ZNF407: variants seen among roughly 807,000 people sequenced by gnomAD.
ZNF407 encodes zinc finger protein 407.
Under a neutral mutation model 131.2 loss-of-function variants are expected in ZNF407, and 17 were observed. That is an observed-to-expected ratio of 0.13 (90% CI 0.09 to 0.19). ZNF407 has a LOEUF of 0.19. Among genes scored for constraint, ZNF407 ranks in the 10% least tolerant of loss-of-function variants. ZNF407 has a pLI of 1.00. For missense variants in ZNF407, 2,681 were observed against 2,830.6 expected (o/e 0.95, Z 1.20); for synonymous variants, 1,156 against 1,062.0 (o/e 1.09, Z -1.72).
At chr18:74,960,219 G>A (rs1483269613) in intron 8 of ZNF407, among the ~76,000 whole-genome samples, 2 of 151,934 alleles carry the variant, frequency 1.3e-5, no homozygotes, top group African/African-American at 2.4e-5. Context: ...AAGGTCCTGA[G>A]TGTGGACTGG....
rs188526535 is a variant in ZNF407 at position 74,696,411 on chromosome 18, T to C, written c.4802+55289T>C. Among the ~76,000 whole-genome samples, 386 of 152,358 alleles carry C rather than the reference T, an allele frequency of 2.5e-3. 4 individuals carry two copies. The highest frequency in any genetic ancestry group is 8.4e-3 in the African/African-American group (351 of 41,590). ...TCACTCTAATGTAACCAGTTTTCCT[T>C]CCTGACAATGCTGCCAGGCATGCTG... On this transcript the variant is annotated intron_variant, in intron 3 of 8. Transcript: ENST00000299687.
Position 74,631,830 on chromosome 18 carries a change from C to A in ZNF407, c.811C>A (p.Arg271Ser). The change falls in exon 2 of 9, where the codon CGT (arginine) becomes AGT (serine). Residue 271 changes from arginine (R) to serine (S), a missense_variant. Physicochemically the swap from Arg to Ser is moderately radical, Grantham distance 110 (BLOSUM62 -1). Transcript: ENST00000299687. ...AHYLGKTHLR[R>S]QNLAARGGFV... ...TTATCTTGGCAAAACACATCTCCGT[C>A]GTCAGAATCTGGCTGCTCGTGGAGG... 6.2e-7 allele frequency: 1 copy of A among 1,614,018 alleles called. No homozygotes were observed. The highest frequency in any genetic ancestry group is 8.5e-7 in the Non-Finnish European group (1 of 1,179,900).
intron 4 of ZNF407, among the ~76,000 whole-genome samples, chr18:74,815,996 G>C (rs1418941901): frequency 6.6e-6 from 1 of 152,158 alleles, no homozygotes; most frequent in Non-Finnish European, 1.5e-5. Flanking sequence ...AGTATGGACT[G>C]CGTTTACTTC....
chr18:74,677,967 C>T (rs1377685916), intron 3 of ZNF407, among the ~76,000 whole-genome samples: 5 of 152,032 alleles, frequency 3.3e-5, no homozygotes, highest in African/African-American at 1.2e-4. Context: ...ACTACAGGCA[C>T]ATGCCACCAT....
At chr18:74,972,216 G>C (rs1476503602) in intron 8 of ZNF407, among the ~76,000 whole-genome samples, 2 of 152,038 alleles carry the variant, frequency 1.3e-5, no homozygotes, top group African/African-American at 4.8e-5. Context: ...AGCATCCCGA[G>C]GCCCACTCCC....
chr18:74,678,880 A>G (rs148276701), intron 3 of ZNF407, among the ~76,000 whole-genome samples: 1 of 152,230 alleles, frequency 6.6e-6, no homozygotes, highest in African/African-American at 2.4e-5. Flanking sequence ...TATAAATATT[A>G]TATGTATTTA....
At chr18:74,626,346 C>T (rs1983785017) in intron 1 of ZNF407, among the ~76,000 whole-genome samples, 1 of 152,194 alleles carries the variant, frequency 6.6e-6, no homozygotes, top group South Asian at 2.1e-4. Context: ...TATAACGCAG[C>T]AGTATCAATC....
intron 8 of ZNF407, among the ~76,000 whole-genome samples, chr18:74,999,924 G>A (rs553261956): frequency 7.2e-5 from 11 of 152,288 alleles, no homozygotes; most frequent in Admixed American, 4.6e-4. Context: ...ATGATAGCTT[G>A]TGATTTCCCT....
intron 8 of ZNF407, among the ~76,000 whole-genome samples, chr18:74,939,733 T>A (rs572150112): frequency 6.6e-6 from 1 of 152,344 alleles, no homozygotes; most frequent in South Asian, 2.1e-4. Flanking sequence ...TGTGTTGCTT[T>A]TTGTAATCAA....
chr18:74,906,836 CTG>C (rs1195056478), intron 7 of ZNF407, among the ~76,000 whole-genome samples: 4 of 151,700 alleles, frequency 2.6e-5, no homozygotes, highest in East Asian at 1.9e-4. Context: ...CATGCACACA[CTG>C]TGTATATGTG....
At chr18:74,874,971 T>C (rs1971136450) in intron 4 of ZNF407, among the ~76,000 whole-genome samples, 1 of 152,170 alleles carries the variant, frequency 6.6e-6, no homozygotes, top group Non-Finnish European at 1.5e-5. Flanking sequence ...CTGTATGCAT[T>C]ATTAGCTCAG....
At chr18:74,960,333 G>A in intron 8 of ZNF407, among the ~76,000 whole-genome samples, 2 of 137,180 alleles carry the variant, frequency 1.5e-5, no homozygotes, top group Non-Finnish European at 1.6e-5. Context: ...CTGAGTGAGT[G>A]CTTGGTGGAG....
chr18:74,717,634 AAAAC>A (rs1388980170), intron 3 of ZNF407, among the ~76,000 whole-genome samples: 2 of 152,226 alleles, frequency 1.3e-5, no homozygotes, highest in Non-Finnish European at 2.9e-5. Context: ...TTTAAGGCTT[AAAAC>A]AAACAAACAA....
Position 75,001,985 on chromosome 18 carries a change from A to C in ZNF407, c.5429-61165A>C, listed in dbSNP as rs184067119. 3.9e-3 allele frequency among the ~76,000 whole-genome samples: 595 copies of C among 152,274 alleles called. 4 individuals carry two copies. Among genetic ancestry groups the C allele is most frequent in the African/African-American group, 0.014 (568 of 41,556 alleles). On this transcript the variant is annotated intron_variant, in intron 8 of 8. Transcript: ENST00000299687. ...ATTCTGCAATGCACAGGCAGCCCCCATACCAGAGTCACCCAGTCCAGAATG... is the reference window on the plus strand; with the variant it reads ...ATTCTGCAATGCACAGGCAGCCCCCCTACCAGAGTCACCCAGTCCAGAATG...
chr18:74,658,884 C>G (rs527610685), intron 3 of ZNF407, among the ~76,000 whole-genome samples: 3 of 152,076 alleles, frequency 2.0e-5, no homozygotes, highest in Non-Finnish European at 2.9e-5. Context: ...TTTCTCTAAA[C>G]TATTAATGTA....
rs3794940 is a variant in ZNF407, at chr18:74,641,200, C to T, written c.4802+78C>T. ...TAGCCATTGTTTCGGAATTCAAAAC[C>T]GATAGGAGTAAGAGTGGCTAAAATT... is the stretch of plus-strand genomic sequence containing the variant. On this transcript the variant is annotated intron_variant, in intron 3 of 8. Transcript: ENST00000299687. 3.2e-4 allele frequency: 373 copies of T among 1,173,092 alleles called. 2 individuals are homozygous for T. In the East Asian group the frequency reaches 8.6e-3, roughly 27 times the overall value. The allele number at this position is 1,173,092 out of a possible 1,614,324, so 72.7% of individuals were successfully genotyped here. A position where few individuals can be genotyped will look rare whatever the true frequency, so the allele number is the denominator to read the frequency against.
chr18:74,834,102 A>G (rs1462259757), intron 4 of ZNF407, among the ~76,000 whole-genome samples: 6 of 152,358 alleles, frequency 3.9e-5, no homozygotes, highest in Non-Finnish European at 7.3e-5. Flanking sequence ...TTTGCTGTAT[A>G]TACTTTTCTC....
At chr18:74,766,807 A>C (rs1346287925) in intron 3 of ZNF407, among the ~76,000 whole-genome samples, 1 of 152,224 alleles carries the variant, frequency 6.6e-6, no homozygotes, top group Non-Finnish European at 1.5e-5. Context: ...TAGCTTTTAA[A>C]ATGAGTTCTA....
At chr18:74,991,412 T>C (rs962236955) in intron 8 of ZNF407, among the ~76,000 whole-genome samples, 1 of 152,206 alleles carries the variant, frequency 6.6e-6, no homozygotes, top group Non-Finnish European at 1.5e-5. Flanking sequence ...ACCAATAAAA[T>C]TTTGAGAATT....
Sources: allele counts gnomAD v4.1 joint callset (sites outside exome capture counted in the v4.1 genomes callset), GRCh38; gene constraint gnomAD v4.1.1; transcripts MANE v1.5; gene names NCBI Gene and HGNC (gene_info 2026-07-23, HGNC 2026-07-21).